The following LRRC32 variants were observed in gnomAD, a reference collection of about 807,000 sequenced individuals.
LRRC32 encodes leucine rich repeat containing 32.
A neutral mutation model predicts 15.0 loss-of-function variants in LRRC32; 5 were observed. The observed-to-expected ratio is 0.33, with a 90% CI of 0.17 to 0.70. The LOEUF (loss-of-function observed/expected upper bound fraction) is 0.70. Among genes scored for constraint, LRRC32 ranks in the 30% least tolerant of loss-of-function variants. LRRC32 has a pLI of 0.66. For missense variants in LRRC32, 803 were observed against 854.2 expected (o/e 0.94, Z 0.75); for synonymous variants, 391 against 403.9 (o/e 0.97, Z 0.38).
intron 2 of LRRC32, chr11:76,663,362 G>T (rs1952570273): frequency 6.6e-6 from 1 of 152,242 alleles, no homozygotes; most frequent in African/African-American, 2.4e-5. Context: ...GAGGCCTGAA[G>T]ATGGCAGTGA....
chr11:76,659,381 T>C lies in LRRC32; in HGVS notation c.*223A>G. On this transcript the variant is annotated 3_prime_UTR_variant, in exon 3 of 3. Transcript: ENST00000260061. ...CTGACAGGTCAACATTATTCTCGGC[T>C]GTCCCTGAAACCGCCCAACTTCTGG... The C allele has an allele frequency of 1.8e-6, 1 of 563,662 alleles. No homozygotes were observed. Among genetic ancestry groups the C allele is most frequent in the Non-Finnish European group, 3.2e-6 (1 of 316,334 alleles). The allele number at this position is 563,662 out of a possible 1,614,324, so 34.9% of individuals were successfully genotyped here.
At position 76,660,200 on chromosome 11, in the gene LRRC32, G is replaced by A. The variant is rs1427488745; in HGVS notation, c.1393C>T (p.His465Tyr). Reference sequence around the variant, plus strand: ...AGGTCCAGCTCAGTCAGTGGGGTGTGGAGGAAGGCCCCTGCCCTGAGCAGC... The same window carrying A: ...AGGTCCAGCTCAGTCAGTGGGGTGTAGAGGAAGGCCCCTGCCCTGAGCAGC... ...IELLRAGAFL[H>Y]TPLTELDLSS... Residue 465 changes from histidine to tyrosine, a missense_variant, in exon 3 of 3, where the codon CAC (histidine) becomes TAC (tyrosine). By Grantham distance (83) the His-to-Tyr change is moderately conservative (BLOSUM62 2). Coordinates refer to ENST00000260061, the MANE Select transcript of LRRC32 (RefSeq NM_001128922.2). The A allele has an allele frequency of 6.3e-7, 1 of 1,582,844 alleles. No homozygotes were observed. Among genetic ancestry groups the A allele is most frequent in the Non-Finnish European group, 8.6e-7 (1 of 1,165,624 alleles).
intron 2 of LRRC32, among the ~76,000 whole-genome samples, chr11:76,662,378 A>G (rs946863237): frequency 1.3e-5 from 2 of 152,104 alleles, no homozygotes; most frequent in Admixed American, 6.5e-5. Context: ...CTTGGTTAAT[A>G]CTTTCAGGCC....
intron 1 of LRRC32, among the ~76,000 whole-genome samples, chr11:76,666,808 T>C (rs1223919715): frequency 6.6e-6 from 1 of 152,264 alleles, no homozygotes; most frequent in Non-Finnish European, 1.5e-5. Context: ...ATTTCATTCA[T>C]TCATTCACAC....
chr11:76,665,828 G>C, intron 2 of LRRC32, 43 bp downstream of exon 2: 6 of 1,613,090 alleles, frequency 3.7e-6, no homozygotes, highest in Non-Finnish European at 5.1e-6. Flanking sequence ...CTAGGGCAGG[G>C]AGGTGGGGGT....
In LRRC32 at chr11:76,658,869, G is replaced by A. The variant is rs11236839; in HGVS notation, c.*735C>T. The stretch of plus-strand genomic sequence containing the variant: ...AACATGAGAGTGCCAGGAAGGGAGA[G>A]GGCAAGTCCAGAGCAGGAGACGGAA... On this transcript the variant is annotated 3_prime_UTR_variant, in exon 3 of 3. Coordinates refer to ENST00000260061, the MANE Select transcript of LRRC32 (RefSeq NM_001128922.2). 22,839 of 153,078 alleles carry A rather than the reference G, an allele frequency of 0.15. 2,214 individuals carry two copies. Among genetic ancestry groups the A allele is most frequent in the Non-Finnish European group, 0.22 (14,823 of 68,282 alleles). 9.5% of individuals were successfully genotyped at this position (153,078 alleles called of 1,614,324 possible).
Position 76,661,236 on chromosome 11 carries a change from G to T in LRRC32, c.357C>A (p.Gly119=), listed in dbSNP as rs149590197. 2 of 1,613,914 alleles carry T rather than the reference G, an allele frequency of 1.2e-6. No individual in the cohort carries two copies. Among genetic ancestry groups the T allele is most frequent in the South Asian group, 2.2e-5 (2 of 91,070 alleles). Residue 119 remains glycine (G), a synonymous_variant, in exon 3 of 3, where the codon GGC becomes GGA. Transcript: ENST00000260061. The stretch of plus-strand genomic sequence containing the variant: ...AGGTCACGCGTGGCAGGGGGCCCAG[G>T]CCACCAGCACTCAGCGCAGTGGCCA... The part of the protein sequence containing the change: ...LAMATALSAG[G]LGPLPRVTSL...
rs899460516 is a variant in LRRC32 at position 76,661,211 on chromosome 11, A to C, written c.382T>G (p.Ser128Ala). The C allele has an allele frequency of 1.2e-6, 2 of 1,613,770 alleles. No individual in the cohort carries two copies. Among genetic ancestry groups the C allele is most frequent in the Non-Finnish European group, 1.7e-6 (2 of 1,179,920 alleles). The change falls in exon 3 of 3, where the codon TCC becomes GCC. Residue 128 changes from serine (S) to alanine (A), a missense_variant. Coordinates refer to ENST00000260061, the MANE Select transcript of LRRC32 (RefSeq NM_001128922.2). ...AGGCTGTTCCCAGACAGGTCCAGGG[A>C]GGTCACGCGTGGCAGGGGGCCCAGG... ...GGLGPLPRVT[S>A]LDLSGNSLYS...
Position 76,659,785 on chromosome 11 carries a change from C to G in LRRC32, c.1808G>C (p.Ser603Thr), listed in dbSNP as rs141254674. 1 of 1,614,122 alleles carries G rather than the reference C, an allele frequency of 6.2e-7. No individual in the cohort carries two copies. Among genetic ancestry groups the G allele is most frequent in the African/African-American group, 1.3e-5 (1 of 74,948 alleles). Residue 603 changes from serine to threonine, a missense_variant, in exon 3 of 3, where the codon AGC becomes ACC. Physicochemically the swap from Ser to Thr is moderately conservative, Grantham distance 58. Coordinates refer to ENST00000260061, the MANE Select transcript of LRRC32 (RefSeq NM_001128922.2). ...DATQDLICRF[S>T]SQEEVSLSHV... ...GCTCAGGGACACCTCCTCCTGGGAGCTGAAGCGGCAGATCAGGTCCTGGGT... is the reference window on the plus strand; with the variant it reads ...GCTCAGGGACACCTCCTCCTGGGAGGTGAAGCGGCAGATCAGGTCCTGGGT...
chr11:76,670,476 A>G (rs1952693645), intron 1 of LRRC32, 138 bp downstream of exon 1: 1 of 152,162 alleles, frequency 6.6e-6, no homozygotes, highest in Non-Finnish European at 1.5e-5. Flanking sequence ...CCCCGGCTCC[A>G]CGCGCGCAGT....
chr11:76,666,405 G>A (rs749284404), intron 1 of LRRC32, among the ~76,000 whole-genome samples: 83 of 152,306 alleles, frequency 5.4e-4, no homozygotes, highest in Admixed American at 8.5e-4. Flanking sequence ...CAAGTCCTCC[G>A]TACCAGCTCT....
rs573750951 is a variant in LRRC32, at chr11:76,665,788, T to G, written c.84+83A>C. 5.7e-6 allele frequency: 9 copies of G among 1,591,240 alleles called. No homozygotes were observed. In the East Asian group the frequency reaches 1.6e-4, roughly 28 times the overall value. On this transcript the variant is annotated intron_variant, in intron 2 of 2. Coordinates refer to ENST00000260061, the MANE Select transcript of LRRC32 (RefSeq NM_001128922.2). Reference sequence around the variant, plus strand: ...TTCCTCTCCTGACTCTTCTAACTTCTGGCTTCTGGGGCTGGGGCACTAGCA... The same window carrying G: ...TTCCTCTCCTGACTCTTCTAACTTCGGGCTTCTGGGGCTGGGGCACTAGCA...
At chr11:76,668,842 G>A (rs772275265) in intron 1 of LRRC32, among the ~76,000 whole-genome samples, 1 of 152,186 alleles carries the variant, frequency 6.6e-6, no homozygotes, top group African/African-American at 2.4e-5. Context: ...AGGTGGCCCT[G>A]TGCACATCCA....
At chr11:76,668,791 C>T (rs969764485) in intron 1 of LRRC32, among the ~76,000 whole-genome samples, 1 of 152,102 alleles carries the variant, frequency 6.6e-6, no homozygotes, top group Non-Finnish European at 1.5e-5. Context: ...GGTCCTAGGC[C>T]CTTATTTCCC....
chr11:76,666,227 G>A (rs930563504), intron 1 of LRRC32, among the ~76,000 whole-genome samples: 1 of 152,214 alleles, frequency 6.6e-6, no homozygotes, highest in Admixed American at 6.5e-5. Flanking sequence ...TCAGACGGGG[G>A]TTTTCAAGAG....
In LRRC32 at chr11:76,659,522, A is replaced by C; in HGVS notation, c.*82T>G. ...GGAGACCAGAGTTCTGGGATCCCGGATCACTGTGTGACCTTGAGTCAGTCC... is the reference window on the plus strand; with the variant it reads ...GGAGACCAGAGTTCTGGGATCCCGGCTCACTGTGTGACCTTGAGTCAGTCC... On this transcript the variant is annotated 3_prime_UTR_variant, in exon 3 of 3. Transcript: ENST00000260061. The C allele has an allele frequency of 7.0e-7, 1 of 1,429,298 alleles. No individual in the cohort carries two copies. The highest frequency in any genetic ancestry group is 9.5e-7 in the Non-Finnish European group (1 of 1,053,454). The allele number at this position is 1,429,298 out of a possible 1,614,324, so 88.5% of individuals were successfully genotyped here.
intron 2 of LRRC32, among the ~76,000 whole-genome samples, chr11:76,661,850 G>T (rs2120065661): frequency 6.6e-6 from 1 of 152,314 alleles, no homozygotes; most frequent in African/African-American, 2.4e-5. Flanking sequence ...ACAGGAAACA[G>T]CCATATATCC....
Position 76,661,361 on chromosome 11 carries a change from G to T in LRRC32, c.232C>A (p.Leu78Met). 1 of 1,614,206 alleles carries T rather than the reference G, an allele frequency of 6.2e-7. No individual in the cohort carries two copies. The highest frequency in any genetic ancestry group is 2.2e-5 in the East Asian group (1 of 44,888). Reference protein sequence around the residue: ...PLGFYTALRHLDLSTNEISFL... With the variant: ...PLGFYTALRHMDLSTNEISFL... ...CTGATCTCATTGGTGCTCAGGTCCAGGTGACGAAGTGCTGTGTAGAAGCCC... is the reference window on the plus strand; with the variant it reads ...CTGATCTCATTGGTGCTCAGGTCCATGTGACGAAGTGCTGTGTAGAAGCCC... Residue 78 changes from leucine to methionine, a missense_variant, in exon 3 of 3, where the codon CTG becomes ATG. By Grantham distance (15) the Leu-to-Met change is conservative. Transcript: ENST00000260061.
At position 76,659,480 on chromosome 11, in the gene LRRC32, G is replaced by T; in HGVS notation, c.*124C>A. On this transcript the variant is annotated 3_prime_UTR_variant, in exon 3 of 3. Coordinates refer to ENST00000260061, the MANE Select transcript of LRRC32 (RefSeq NM_001128922.2). ...GATGCAGCAGGCGGCAGAGAAAGGT[G>T]TCCTGGGCTGTAATTTGGAGACCAG... 9.4e-7 allele frequency: 1 copy of T among 1,064,138 alleles called. No individual in the cohort carries two copies. Among genetic ancestry groups the T allele is most frequent in the Non-Finnish European group, 1.3e-6 (1 of 748,912 alleles). 65.9% of individuals were successfully genotyped at this position (1,064,138 alleles called of 1,614,324 possible).
Sources: allele counts gnomAD v4.1 joint callset (sites outside exome capture counted in the v4.1 genomes callset), GRCh38; gene constraint gnomAD v4.1.1; transcripts MANE v1.5; gene names NCBI Gene and HGNC (gene_info 2026-07-23, HGNC 2026-07-21).